The following THAP1 variants were observed in gnomAD, a reference collection of about 807,000 sequenced individuals.
THAP1 encodes THAP domain-containing protein 1.
Under a neutral mutation model 18.2 loss-of-function variants are expected in THAP1, and 6 were observed. The ratio of observed to expected loss-of-function variants is 0.33; its 90% CI spans 0.18 to 0.65. THAP1 has a LOEUF of 0.65. Among genes scored for constraint, THAP1 ranks in the 30% least tolerant of loss-of-function variants. THAP1 has a pLI of 0.74. For synonymous variants in THAP1, 85 were observed against 90.5 expected (o/e 0.94, Z 0.34); for missense variants, 176 against 253.0 (o/e 0.70, Z 2.06).
chr8:42,842,162 AATGTAATTAAAAT>A (rs1202968280), intron 1 of THAP1, among the ~76,000 whole-genome samples: 1 of 152,224 alleles, frequency 6.6e-6, no homozygotes, highest in African/African-American at 2.4e-5. Flanking sequence ...ACTTAACATA[AATGTAATTAAAAT>A]TTGTAAACAA....
At position 42,836,849 on chromosome 8, in the gene THAP1, T is replaced by C. The variant is rs995044388; in HGVS notation, c.*1113A>G. On this transcript the variant is annotated 3_prime_UTR_variant, in exon 3 of 3. Transcript: ENST00000254250. Reference sequence around the variant, plus strand: ...AGAACATATTTTCACTTCCAATATATGTAAAATTTCTCACAAAGAACAGAA... The same window carrying C: ...AGAACATATTTTCACTTCCAATATACGTAAAATTTCTCACAAAGAACAGAA... 1 of 152,358 alleles carries C rather than the reference T, an allele frequency of 6.6e-6. No homozygotes were observed. Among genetic ancestry groups the C allele is most frequent in the Non-Finnish European group, 1.5e-5 (1 of 68,042 alleles). The allele number at this position is 152,358 out of a possible 1,614,324, so 9.4% of individuals were successfully genotyped here. A position where few individuals can be genotyped will look rare whatever the true frequency, so the allele number is the denominator to read the frequency against.
In THAP1 at chr8:42,842,906, G is replaced by T. The variant is rs1451298397; in HGVS notation, c.71+118C>A. On this transcript the variant is annotated intron_variant, in intron 1 of 2. Transcript: ENST00000254250. ...GCGGTGGGAAACGCCCGACACGGCCGGCCCCAGACCCCACCCGCCCCTCGC... is the reference window on the plus strand; with the variant it reads ...GCGGTGGGAAACGCCCGACACGGCCTGCCCCAGACCCCACCCGCCCCTCGC... 4 of 788,728 alleles carry T rather than the reference G, an allele frequency of 5.1e-6. No individual in the cohort carries two copies. The South Asian group carries it at 1.8e-4, about 35-fold the overall frequency. 48.9% of individuals were successfully genotyped at this position (788,728 alleles called of 1,614,324 possible).
At position 42,836,928 on chromosome 8, in the gene THAP1, A is replaced by G. The variant is rs1234701613; in HGVS notation, c.*1034T>C. 6.6e-6 allele frequency: 1 copy of G among 152,278 alleles called. No homozygotes were observed. The highest frequency in any genetic ancestry group is 1.5e-5 in the Non-Finnish European group (1 of 68,044). 9.4% of individuals were successfully genotyped at this position (152,278 alleles called of 1,614,324 possible). ...TTAAATCTCCACATTCAGTAAAATA[A>G]ACGCTACATAGTAGGTTGTTCTGAA... On this transcript the variant is annotated 3_prime_UTR_variant, in exon 3 of 3. Coordinates refer to ENST00000254250, the MANE Select transcript of THAP1 (RefSeq NM_018105.3).
At chr8:42,838,667 A>G (rs1488641566) in intron 2 of THAP1, among the ~76,000 whole-genome samples, 1 of 152,196 alleles carries the variant, frequency 6.6e-6, no homozygotes, top group East Asian at 1.9e-4. Context: ...AGCCTGGGCA[A>G]CAAAGACTTT....
At chr8:42,838,424 G>A in intron 2 of THAP1, 88 bp from the exon 3 acceptor site, 1 of 1,537,804 alleles carries the variant, frequency 6.5e-7, no homozygotes, top group Non-Finnish European at 8.8e-7. Flanking sequence ...AGTGGCTCAT[G>A]CCTATAATCC....
At position 42,838,143 on chromosome 8, in the gene THAP1, T is replaced by C; in HGVS notation, c.461A>G (p.Gln154Arg). The stretch of plus-strand genomic sequence containing the variant: ...CTTCTTTCTGAGTTTTTCAACTTGC[T>C]GTTCTAGCTGATGAATCCTTTTCCG... ...HQRKRIHQLE[Q>R]QVEKLRKKLK... The change falls in exon 3 of 3, where the codon CAG (glutamine) becomes CGG (arginine). Residue 154 changes from glutamine to arginine, a missense_variant. Coordinates refer to ENST00000254250, the MANE Select transcript of THAP1 (RefSeq NM_018105.3). 6.2e-7 allele frequency: 1 copy of C among 1,614,244 alleles called. No individual in the cohort carries two copies. Among genetic ancestry groups the C allele is most frequent in the Non-Finnish European group, 8.5e-7 (1 of 1,180,048 alleles).
intron 1 of THAP1, among the ~76,000 whole-genome samples, chr8:42,840,224 T>G (rs560047833): frequency 2.0e-5 from 3 of 152,306 alleles, no homozygotes; most frequent in Non-Finnish European, 2.9e-5. Context: ...ATTCATATTT[T>G]TTACCAGTAA....
At position 42,839,182 on chromosome 8, in the gene THAP1, T is replaced by C. The variant is rs769370716; in HGVS notation, c.267+4A>G. On this transcript the variant is annotated splice_donor_region_variant and intron_variant, in intron 2 of 2. Transcript: ENST00000254250. ...GCAACCCAATATTTTAAAATGCATA[T>C]TACCTTGTCATGTGGCTCAGTACAA... The C allele has an allele frequency of 3.7e-6, 6 of 1,613,904 alleles. No homozygotes were observed. The East Asian group carries it at 1.3e-4, about 36-fold the overall frequency.
rs561379422 is a variant in THAP1, at chr8:42,837,690, A to C, written c.*272T>G. 209 of 225,682 alleles carry C rather than the reference A, an allele frequency of 9.3e-4. 1 individual carries two copies. The highest frequency in any genetic ancestry group is 1.9e-3 in the African/African-American group (85 of 43,950). The allele number at this position is 225,682 out of a possible 1,614,324, so 14.0% of individuals were successfully genotyped here. ...TTATTTCTATAAATACTAAAAAAAA[A>C]CCCCAAAATCCCCAATCTTGAAACC... On this transcript the variant is annotated 3_prime_UTR_variant, in exon 3 of 3. Coordinates refer to ENST00000254250, the MANE Select transcript of THAP1 (RefSeq NM_018105.3).
At chr8:42,839,058 T>C in intron 2 of THAP1, 128 bp downstream of exon 2, 6 of 963,458 alleles carry the variant, frequency 6.2e-6, no homozygotes, top group South Asian at 2.7e-5. Context: ...CAGAAGTGTA[T>C]CACTGTTAAC....
intron 1 of THAP1, among the ~76,000 whole-genome samples, chr8:42,840,337 T>C (rs1297756012): frequency 6.6e-6 from 1 of 152,184 alleles, no homozygotes; most frequent in Non-Finnish European, 1.5e-5. Flanking sequence ...CAAATATGAA[T>C]AGGCTAAATT....
intron 1 of THAP1, among the ~76,000 whole-genome samples, chr8:42,839,790 C>T (rs1802683106): frequency 6.6e-6 from 1 of 152,208 alleles, no homozygotes; most frequent in Non-Finnish European, 1.5e-5. Flanking sequence ...TGTGATCTGC[C>T]CGCCTTGGCC....
At chr8:42,842,967 G>C in intron 1 of THAP1, 57 bp downstream of exon 1, 1 of 1,247,122 alleles carries the variant, frequency 8.0e-7, no homozygotes, top group Non-Finnish European at 1.0e-6. Flanking sequence ...CGGCCCCGCC[G>C]GCCGCGCGCC....
chr8:42,840,760 G>C (rs1278212891), intron 1 of THAP1, among the ~76,000 whole-genome samples: 1 of 152,082 alleles, frequency 6.6e-6, no homozygotes, highest in East Asian at 1.9e-4. Flanking sequence ...GGAGGTCGAA[G>C]TATGGAGACC....
At chr8:42,842,635 T>C (rs972674107) in intron 1 of THAP1, 1 of 153,012 alleles carries the variant, frequency 6.5e-6, no homozygotes, top group Admixed American at 6.5e-5. Flanking sequence ...TAGTGATTTC[T>C]TCGTTTAAAG....
At position 42,838,072 on chromosome 8, in the gene THAP1, C is replaced by T. The variant is rs934640261; in HGVS notation, c.532G>A (p.Glu178Lys). 1.2e-6 allele frequency: 2 copies of T among 1,614,010 alleles called. No homozygotes were observed. The highest frequency in any genetic ancestry group is 1.6e-4 in the Middle Eastern group (1 of 6,062). The change falls in exon 3 of 3, where the codon GAA (glutamate) becomes AAA (lysine). Residue 178 changes from glutamate (E) to lysine (K), a missense_variant. Transcript: ENST00000254250. ...AAGTGAACAACCTCCTTTAATTTTTCAAGCTGCCGTTCTTGCCTTCTGCAT... is the reference window on the plus strand; with the variant it reads ...AAGTGAACAACCTCCTTTAATTTTTTAAGCTGCCGTTCTTGCCTTCTGCAT... ...QRCRRQERQL[E>K]KLKEVVHFQK...
At chr8:42,838,462 G>C (rs139446246) in intron 2 of THAP1, 126 bp from the exon 3 acceptor site, 7 of 1,261,856 alleles carry the variant, frequency 5.5e-6, no homozygotes, top group Admixed American at 2.0e-5. Flanking sequence ...AGAGGTGGGC[G>C]GATCACCTGA....
rs1226803119 is a variant in THAP1, at chr8:42,842,921, C to G, written c.71+103G>C. On this transcript the variant is annotated intron_variant, in intron 1 of 2. Transcript: ENST00000254250. ...CGACACGGCCGGCCCCAGACCCCAC[C>G]CGCCCCTCGCGCGGACACGCGCCTG... The G allele has an allele frequency of 6.2e-6, 6 of 961,480 alleles. No homozygotes were observed. The African/African-American group carries it at 1.1e-4, about 17-fold the overall frequency. 59.6% of individuals were successfully genotyped at this position (961,480 alleles called of 1,614,324 possible). A position where few individuals can be genotyped will look rare whatever the true frequency, so the allele number is the denominator to read the frequency against.
intron 1 of THAP1, among the ~76,000 whole-genome samples, chr8:42,841,094 G>C (rs1410751674): frequency 6.6e-6 from 1 of 151,670 alleles, no homozygotes; most frequent in Non-Finnish European, 1.5e-5. Context: ...ATAAACTATG[G>C]TAGCATTTGC....
Sources: allele counts gnomAD v4.1 joint callset (sites outside exome capture counted in the v4.1 genomes callset), GRCh38; gene constraint gnomAD v4.1.1; transcripts MANE v1.5; gene names NCBI Gene and HGNC (gene_info 2026-07-23, HGNC 2026-07-21).